The following ZNF224 variants were observed in gnomAD, a reference collection of about 807,000 sequenced individuals.
ZNF224 encodes bone marrow zinc finger 2.
In ZNF224, 8 loss-of-function variants were observed where a neutral mutation model predicts 10.5. The ratio of observed to expected loss-of-function variants is 0.76; its 90% confidence interval spans 0.45 to 1.37. The LOEUF is 1.37. Ranked by LOEUF, ZNF224 falls within the 40% of genes most tolerant of loss-of-function variation. ZNF224 has a pLI of 0.00. For synonymous variants in ZNF224, 282 were observed against 287.8 expected (o/e 0.98, Z 0.20); for missense variants, 754 against 854.0 (o/e 0.88, Z 1.46).
At chr19:44,097,981 A>G in intron 3 of ZNF224, 93 bp downstream of exon 3, 1 of 1,407,134 alleles carries the variant, frequency 7.1e-7, no homozygotes, top group Non-Finnish European at 1.0e-6. Flanking sequence ...CTCAAGGAGA[A>G]AAACAGACAT....
intron 5 of ZNF224, chr19:44,106,126 CCAG>C (rs10573362): frequency 0.84 from 354,926 of 422,234 alleles, 150,209 homozygotes; most frequent in Non-Finnish European, 0.87. Flanking sequence ...TACATTCACA[CCAG>C]CAGCAGTGTA....
rs182379424 is a variant in ZNF224, at chr19:44,100,035, C to T, written c.16-766C>T. On this transcript the variant is annotated intron_variant, in intron 3 of 5. Transcript: ENST00000693561. The stretch of plus-strand genomic sequence containing the variant: ...ACACTATGCAGACATGAGATAAAAT[C>T]GACAATAATTGACAAAAATAAAAAT... 5.3e-5 allele frequency among the ~76,000 whole-genome samples: 8 copies of T among 149,692 alleles called. No homozygotes were observed. The East Asian group carries it at 1.5e-3, about 29-fold the overall frequency.
chr19:44,099,580 C>T (rs539778029), intron 3 of ZNF224, among the ~76,000 whole-genome samples: 52 of 152,158 alleles, frequency 3.4e-4, no homozygotes, highest in African/African-American at 1.2e-3. Context: ...ATGGCCAGGC[C>T]TGTGACTCAC....
chr19:44,106,993 A>C lies in ZNF224; in HGVS notation c.833A>C (p.His278Pro). Residue 278 changes from histidine (H) to proline (P), a missense_variant, in exon 6 of 6, where the codon CAT (histidine) becomes CCT (proline). His to Pro is a moderately conservative substitution (Grantham distance 77). Transcript: ENST00000693561. ...AFIHDSQLQE[H>P]QRIHTGEKPF... Reference sequence around the variant, plus strand: ...ATTCACGATTCCCAGCTTCAAGAACATCAGAGAATCCATACGGGGGAGAAG... The same window carrying C: ...ATTCACGATTCCCAGCTTCAAGAACCTCAGAGAATCCATACGGGGGAGAAG... The C allele has an allele frequency of 6.2e-7, 1 of 1,610,754 alleles. No homozygotes were observed. Among genetic ancestry groups the C allele is most frequent in the Non-Finnish European group, 8.5e-7 (1 of 1,178,004 alleles).
rs1818167968 is a variant in ZNF224 at position 44,107,571 on chromosome 19, C to G, written c.1411C>G (p.Leu471Val). Reference protein sequence around the residue: ...CGKSFSRAPCLLKHERLHSGE... With the variant: ...CGKSFSRAPCVLKHERLHSGE... ...GAAGAGCTTTAGTCGGGCCCCATGTCTTTTGAAACATGAGAGACTCCACAG... is the reference window on the plus strand; with the variant it reads ...GAAGAGCTTTAGTCGGGCCCCATGTGTTTTGAAACATGAGAGACTCCACAG... Residue 471 changes from leucine (L) to valine (V), a missense_variant, in exon 6 of 6, where the codon CTT becomes GTT. Leu to Val is a conservative substitution (Grantham distance 32). Transcript: ENST00000693561. 1.2e-6 allele frequency: 2 copies of G among 1,613,714 alleles called. No homozygotes were observed. Among genetic ancestry groups the G allele is most frequent in the African/African-American group, 2.7e-5 (2 of 74,962 alleles).
intron 5 of ZNF224, chr19:44,105,196 A>C (rs1166918845): frequency 6.6e-6 from 1 of 152,206 alleles, no homozygotes; most frequent in Non-Finnish European, 1.5e-5. Context: ...CTCTCAAGCA[A>C]ACAAAGACAC....
intron 5 of ZNF224, among the ~76,000 whole-genome samples, chr19:44,102,387 CTTCGTGGCTGTATT>C (rs770436944): frequency 5.3e-5 from 8 of 152,160 alleles, no homozygotes; most frequent in Non-Finnish European, 1.0e-4. Context: ...AATTTTAACT[CTTCGTGGCTGTATT>C]TTCAGTGCCT....
Position 44,106,479 on chromosome 19 carries a change from A to G in ZNF224, c.319A>G (p.Ile107Val). The change falls in exon 6 of 6, where the codon ATT becomes GTT. Residue 107 changes from isoleucine to valine, a missense_variant. Ile to Val is a conservative substitution (Grantham distance 29). Transcript: ENST00000693561. ...EWSFQQIWEK[I>V]ASDLTRSQDL... is the part of the protein sequence containing the mutation. Reference sequence around the variant, plus strand: ...GTCCTTCCAGCAAATCTGGGAAAAAATTGCAAGTGATTTAACCAGGTCTCA... The same window carrying G: ...GTCCTTCCAGCAAATCTGGGAAAAAGTTGCAAGTGATTTAACCAGGTCTCA... 6.2e-7 allele frequency: 1 copy of G among 1,614,190 alleles called. No individual in the cohort carries two copies. The highest frequency in any genetic ancestry group is 8.5e-7 in the Non-Finnish European group (1 of 1,180,036).
chr19:44,107,991 C>A lies in ZNF224; in HGVS notation c.1831C>A (p.Arg611Ser). ...CGKGFSWSST[R>S]LTHQRRHSRE... The stretch of plus-strand genomic sequence containing the variant: ...GAAGGGCTTCAGCTGGTCCTCAACT[C>A]GTCTGACCCATCAGAGACGCCACAG... Residue 611 changes from arginine to serine, a missense_variant, in exon 6 of 6, where the codon CGT (arginine) becomes AGT (serine). By Grantham distance (110) the Arg-to-Ser change is moderately radical. Coordinates refer to ENST00000693561, the MANE Select transcript of ZNF224 (RefSeq NM_001321645.3). 6.2e-7 allele frequency: 1 copy of A among 1,614,162 alleles called. No homozygotes were observed. Among genetic ancestry groups the A allele is most frequent in the Middle Eastern group, 1.6e-4 (1 of 6,062 alleles).
rs1599667612 is a variant in ZNF224 at position 44,108,591 on chromosome 19, A to T, written c.*307A>T. On this transcript the variant is annotated 3_prime_UTR_variant, in exon 6 of 6. Transcript: ENST00000693561. ...ATTCAGAAGTTTGATAATTACAGCT[A>T]TCATTCAGGAGACAGGCCTTAGAAA... 2.2e-6 allele frequency: 1 copy of T among 445,752 alleles called. No individual in the cohort carries two copies. The highest frequency in any genetic ancestry group is 2.9e-5 in the Admixed American group (1 of 34,456). The allele number at this position is 445,752 out of a possible 1,614,324, so 27.6% of individuals were successfully genotyped here.
At chr19:44,099,750 A>G (rs1205538663) in intron 3 of ZNF224, among the ~76,000 whole-genome samples, 1 of 152,200 alleles carries the variant, frequency 6.6e-6, no homozygotes, top group African/African-American at 2.4e-5. Context: ...TAATGGGAAA[A>G]TTGATAACTT....
At chr19:44,098,594 T>G (rs1419462883) in intron 3 of ZNF224, among the ~76,000 whole-genome samples, 1 of 152,176 alleles carries the variant, frequency 6.6e-6, no homozygotes, top group Non-Finnish European at 1.5e-5. Context: ...CTAATTTTTT[T>G]TTTTTTGAGA....
intron 5 of ZNF224, 142 bp from the exon 6 acceptor site, chr19:44,106,254 C>T: frequency 1.1e-6 from 1 of 887,518 alleles, no homozygotes; most frequent in Non-Finnish European, 1.7e-6. Flanking sequence ...TCATCCAAAC[C>T]AAAGATTATG....
chr19:44,099,558 TAAAAC>T (rs1260978512), intron 3 of ZNF224, among the ~76,000 whole-genome samples: 1 of 152,010 alleles, frequency 6.6e-6, no homozygotes, highest in Non-Finnish European at 1.5e-5. Context: ...GTGAGAATAA[TAAAAC>T]AAAATCATGG....
At chr19:44,102,428 A>C (rs1433637613) in intron 5 of ZNF224, among the ~76,000 whole-genome samples, 1 of 152,216 alleles carries the variant, frequency 6.6e-6, no homozygotes, top group Admixed American at 6.5e-5. Context: ...GTCCTGGTAC[A>C]TGGCAGGTTT....
intron 5 of ZNF224, among the ~76,000 whole-genome samples, chr19:44,104,951 C>T (rs970926827): frequency 1.3e-4 from 20 of 152,350 alleles, no homozygotes; most frequent in African/African-American, 3.8e-4. Context: ...CGTGAGCCAC[C>T]GCGCCCAGCC....
In ZNF224 at chr19:44,108,664, T is replaced by C. The variant is rs964266832; in HGVS notation, c.*380T>C. On this transcript the variant is annotated 3_prime_UTR_variant, in exon 6 of 6. Transcript: ENST00000693561. ...CAGACTAATGGTGGACATGTCCAAA[T>C]TGATGTCCACTAGAATGTAAACTAC... The C allele has an allele frequency of 3.8e-6, 2 of 519,514 alleles. No homozygotes were observed. Among genetic ancestry groups the C allele is most frequent in the Admixed American group, 3.9e-5 (2 of 51,396 alleles). The allele number at this position is 519,514 out of a possible 1,614,324, so 32.2% of individuals were successfully genotyped here. A position where few individuals can be genotyped will look rare whatever the true frequency, so the allele number is the denominator to read the frequency against.
chr19:44,107,105 A>G lies in ZNF224; in HGVS notation c.945A>G (p.Pro315=), dbSNP rs2147534878. Residue 315 remains proline (P), a synonymous_variant, in exon 6 of 6, where the codon CCA becomes CCG. Coordinates refer to ENST00000693561, the MANE Select transcript of ZNF224 (RefSeq NM_001321645.3). The part of the protein sequence containing the change: ...RHSMVHTAEK[P]FRCDTCDKSF... ...CCATGGTTCACACGGCAGAGAAACC[A>G]TTCCGATGTGATACGTGTGATAAGA... The G allele has an allele frequency of 6.2e-7, 1 of 1,604,134 alleles. No homozygotes were observed. The highest frequency in any genetic ancestry group is 8.5e-7 in the Non-Finnish European group (1 of 1,174,556).
chr19:44,098,570 A>G (rs1160797761), intron 3 of ZNF224, among the ~76,000 whole-genome samples: 2 of 152,094 alleles, frequency 1.3e-5, no homozygotes, highest in Non-Finnish European at 2.9e-5. Flanking sequence ...AATTTGACCA[A>G]AGTAATATGT....
Sources: allele counts gnomAD v4.1 joint callset (sites outside exome capture counted in the v4.1 genomes callset), GRCh38; gene constraint gnomAD v4.1.1; transcripts MANE v1.5; gene names NCBI Gene and HGNC (gene_info 2026-07-23, HGNC 2026-07-21).